The following DCLK1 variants were observed in gnomAD, a reference collection of about 807,000 sequenced individuals.
DCLK1 encodes the protein doublecortin like kinase 1.
A neutral mutation model predicts 86.2 loss-of-function variants in DCLK1; 16 were observed. The ratio of observed to expected loss-of-function variants is 0.19; its 90% CI spans 0.13 to 0.28. The LOEUF is 0.28. DCLK1 is among the 10% of genes least tolerant of loss of function. The pLI is 1.00. For synonymous variants in DCLK1, 369 were observed against 370.5 expected (o/e 1.00, Z 0.05); for missense variants, 590 against 940.2 (o/e 0.63, Z 4.87).
At chr13:35,982,727 G>T (rs183684735) in intron 3 of DCLK1, among the ~76,000 whole-genome samples, 1 of 152,224 alleles carries the variant, frequency 6.6e-6, no homozygotes, top group East Asian at 1.9e-4. Context: ...AAATGATTAG[G>T]AAGGTTCAAA....
chr13:35,848,476 T>C (rs1870375673), intron 6 of DCLK1: 1 of 985,330 alleles, frequency 1.0e-6, no homozygotes, highest in Non-Finnish European at 1.2e-6. Flanking sequence ...AGAAGTCATA[T>C]GTTCAAGAGA....
chr13:35,848,068 AAGTG>A (rs1870341477), intron 6 of DCLK1: 5 of 985,326 alleles, frequency 5.1e-6, no homozygotes, highest in Non-Finnish European at 6.0e-6. Flanking sequence ...TCTAAGAAAA[AAGTG>A]AGTGCAAGTG....
intron 16 of DCLK1, among the ~76,000 whole-genome samples, chr13:35,782,784 AT>A (rs1210144103): frequency 1.3e-5 from 2 of 152,338 alleles, no homozygotes; most frequent in East Asian, 3.9e-4. Flanking sequence ...TGGAATTTGC[AT>A]TTGTACAGAT....
intron 3 of DCLK1, among the ~76,000 whole-genome samples, chr13:35,955,972 A>C (rs892672810): frequency 2.0e-5 from 3 of 152,200 alleles, no homozygotes; most frequent in African/African-American, 7.2e-5. Context: ...TTTACTTAGA[A>C]GGTTTCCAAT....
chr13:35,787,605 T>C (rs1257921548), intron 16 of DCLK1, among the ~76,000 whole-genome samples: 1 of 152,046 alleles, frequency 6.6e-6, no homozygotes, highest in Non-Finnish European at 1.5e-5. Flanking sequence ...AATAAATTCA[T>C]GCAATAGCTA....
At chr13:35,889,586 G>T (rs1243513357) in intron 4 of DCLK1, among the ~76,000 whole-genome samples, 1 of 152,010 alleles carries the variant, frequency 6.6e-6, no homozygotes, top group African/African-American at 2.4e-5. Context: ...TGTTAACTTT[G>T]TTAGAAATGT....
intron 4 of DCLK1, among the ~76,000 whole-genome samples, chr13:35,875,677 T>C (rs557041230): frequency 6.6e-6 from 1 of 152,340 alleles, no homozygotes; most frequent in South Asian, 2.1e-4. Flanking sequence ...TCTCACCATA[T>C]TATTAATCAG....
At chr13:36,095,190 T>TTTTG (rs1555361805) in intron 3 of DCLK1, among the ~76,000 whole-genome samples, 4 of 151,854 alleles carry the variant, frequency 2.6e-5, no homozygotes, top group East Asian at 1.9e-4. Context: ...TTTTTTGTTT[T>TTTTG]TTTTGTTTTG....
chr13:36,059,868 CT>C (rs57867541), intron 3 of DCLK1, among the ~76,000 whole-genome samples: 59,106 of 140,148 alleles, frequency 0.42, 11,248 homozygotes, highest in South Asian at 0.63. Flanking sequence ...ACTTAAATCT[CT>C]TTTTTTTTTT....
chr13:36,127,596 T>C (rs990587539), intron 1 of DCLK1, among the ~76,000 whole-genome samples: 5 of 152,254 alleles, frequency 3.3e-5, no homozygotes, highest in African/African-American at 9.6e-5. Flanking sequence ...CTTATCATAG[T>C]GTCTGACATG....
intron 3 of DCLK1, among the ~76,000 whole-genome samples, chr13:35,965,282 CTGTT>C (rs1675709228): frequency 6.6e-6 from 1 of 152,180 alleles, no homozygotes; most frequent in Admixed American, 6.5e-5. Flanking sequence ...AATCTCTACT[CTGTT>C]TGATCAATGA....
intron 11 of DCLK1, among the ~76,000 whole-genome samples, chr13:35,822,219 C>G (rs968343216): frequency 6.6e-6 from 1 of 152,002 alleles, no homozygotes; most frequent in Non-Finnish European, 1.5e-5. Flanking sequence ...AGTGTGATCA[C>G]AGCTCACTGC....
At chr13:35,889,730 A>T (rs1873521429) in intron 4 of DCLK1, among the ~76,000 whole-genome samples, 1 of 152,124 alleles carries the variant, frequency 6.6e-6, no homozygotes, top group Non-Finnish European at 1.5e-5. Flanking sequence ...CTCATTTATG[A>T]CATTTATTTT....
At chr13:35,790,297 TC>T (rs903843250) in intron 16 of DCLK1, among the ~76,000 whole-genome samples, 56 of 152,302 alleles carry the variant, frequency 3.7e-4, no homozygotes, top group African/African-American at 1.3e-3. Context: ...TATGCTTTTT[TC>T]TTTTGTCATT....
intron 3 of DCLK1, among the ~76,000 whole-genome samples, chr13:36,002,812 G>T (rs1470565442): frequency 6.6e-6 from 1 of 152,154 alleles, no homozygotes. Flanking sequence ...AAATCCTGTG[G>T]CAAATTAACT....
intron 3 of DCLK1, among the ~76,000 whole-genome samples, chr13:36,098,204 G>A (rs1417565773): frequency 6.6e-6 from 1 of 152,202 alleles, no homozygotes; most frequent in Non-Finnish European, 1.5e-5. Context: ...CCCAGGGACA[G>A]ATCCGGTCCT....
intron 8 of DCLK1, among the ~76,000 whole-genome samples, chr13:35,829,660 A>G (rs1410324487): frequency 6.6e-6 from 1 of 152,178 alleles, no homozygotes; most frequent in Non-Finnish European, 1.5e-5. Context: ...AGGCTTTTTC[A>G]TGGTGCCGGC....
At chr13:36,110,943 G>A (rs947072877) in intron 3 of DCLK1, among the ~76,000 whole-genome samples, 2 of 148,146 alleles carry the variant, frequency 1.4e-5, no homozygotes, top group African/African-American at 5.0e-5. Context: ...CCATTCTCCT[G>A]CCTCAGCCCC....
intron 16 of DCLK1, among the ~76,000 whole-genome samples, chr13:35,784,346 T>C (rs930398674): frequency 3.3e-5 from 5 of 152,218 alleles, no homozygotes; most frequent in African/African-American, 1.2e-4. Flanking sequence ...TTATATGTCA[T>C]TGGAATCCTC....
Sources: gnomAD v4.1 joint callset for allele counts (sites outside exome capture counted in the v4.1 genomes callset) on GRCh38, gnomAD v4.1.1 for gene constraint, MANE v1.5 for transcripts, NCBI Gene and HGNC (gene_info 2026-07-23, HGNC 2026-07-21) for gene names.